The following SETD9 variants were observed in gnomAD, a reference collection of about 807,000 sequenced individuals.
SETD9 encodes the protein SET domain containing 9.
SETD9 carries 37 observed loss-of-function variants against 36.4 expected under a neutral mutation model. The observed-to-expected ratio is 1.02, with a 90% CI of 0.78 to 1.34. The LOEUF is 1.34. SETD9 is among the 40% of genes most tolerant of loss of function. The pLI is 0.00. For missense variants in SETD9, 323 were observed against 353.2 expected (o/e 0.91, Z 0.69); for synonymous variants, 128 against 132.9 (o/e 0.96, Z 0.26).
intron 3 of SETD9, 90 bp downstream of exon 3, chr5:56,913,224 AT>A (rs1554038834): frequency 7.7e-7 from 1 of 1,297,118 alleles, no homozygotes; most frequent in Non-Finnish European, 1.0e-6. Flanking sequence ...TACTTTATTT[AT>A]TTTTTATATA....
In SETD9 at chr5:56,916,922, T is replaced by C. The variant is rs1352978551; in HGVS notation, c.*20T>C. The C allele has an allele frequency of 5.0e-6, 8 of 1,588,122 alleles. No homozygotes were observed. The highest frequency in any genetic ancestry group is 6.8e-6 in the Non-Finnish European group (8 of 1,171,540). On this transcript the variant is annotated 3_prime_UTR_variant, in exon 6 of 6. Coordinates refer to ENST00000285947, the MANE Select transcript of SETD9 (RefSeq NM_153706.4). ...AGCTAACTCTGTGAATCAGAAATTA[T>C]TAGGTTTTCTACTCAGCTATTAATT...
intron 2 of SETD9, 90 bp from the exon 3 acceptor site, chr5:56,912,921 A>C: frequency 7.4e-7 from 1 of 1,359,368 alleles, no homozygotes; most frequent in South Asian, 1.3e-5. Context: ...AACTAAAGAG[A>C]ATGTGATTAT....
At chr5:56,913,678 C>T (rs1295273442) in intron 3 of SETD9, among the ~76,000 whole-genome samples, 196 bp from the exon 4 acceptor site, 1 of 152,092 alleles carries the variant, frequency 6.6e-6, no homozygotes, top group Non-Finnish European at 1.5e-5. Flanking sequence ...GCCACTGCGC[C>T]TGGCCAGCAT....
chr5:56,911,970 A>T (rs1318504291), intron 2 of SETD9, among the ~76,000 whole-genome samples: 2 of 152,164 alleles, frequency 1.3e-5, no homozygotes, highest in African/African-American at 4.8e-5. Flanking sequence ...TCTGGCCAAC[A>T]TAGTGAAACC....
intron 5 of SETD9, chr5:56,924,107 T>G: frequency 6.6e-7 from 1 of 1,512,764 alleles, no homozygotes; most frequent in South Asian, 1.2e-5. Flanking sequence ...CAACTTTTCT[T>G]TTCCACAACA....
exon 6 of SETD9, chr5:56,925,463 C>T: frequency 3.1e-6 from 1 of 319,236 alleles, no homozygotes; most frequent in South Asian, 2.6e-5. Context: ...TATATAACAG[C>T]AATGACGATT....
chr5:56,919,737 T>A (rs1394670288), downstream of SETD9: 1 of 152,654 alleles, frequency 6.6e-6, no homozygotes, highest in Admixed American at 6.5e-5. Context: ...CTCTTGAACA[T>A]CTGATACTGA....
intron 5 of SETD9, chr5:56,922,556 C>T (rs1267960275): frequency 1.3e-5 from 2 of 153,254 alleles, no homozygotes; most frequent in African/African-American, 4.8e-5. Context: ...GAGAAGTTTC[C>T]ATTTTTAAAA....
chr5:56,926,931 CA>C (rs1014295300), downstream of SETD9, among the ~76,000 whole-genome samples: 13 of 151,918 alleles, frequency 8.6e-5, no homozygotes, highest in African/African-American at 3.1e-4. Context: ...CACAAACAAA[CA>C]AAAAACCCCA....
At chr5:56,912,717 A>ATG (rs999386037) in intron 2 of SETD9, among the ~76,000 whole-genome samples, 3 of 152,046 alleles carry the variant, frequency 2.0e-5, no homozygotes, top group Non-Finnish European at 4.4e-5. Context: ...TTAAATATAT[A>ATG]TGTGTGTGTG....
chr5:56,925,999 A>G (rs1352843635), downstream of SETD9, among the ~76,000 whole-genome samples: 1 of 152,130 alleles, frequency 6.6e-6, no homozygotes, highest in East Asian at 1.9e-4. Flanking sequence ...ATGGAGGAAG[A>G]ATGTCTTTTC....
intron 5 of SETD9, 47 bp from the exon 6 acceptor site, chr5:56,916,768 C>T (rs832536): frequency 0.59 from 936,849 of 1,580,050 alleles, 291,660 homozygotes; most frequent in Non-Finnish European, 0.65. Flanking sequence ...AAAATATGAG[C>T]TTATATTTGT....
chr5:56,910,912 A>C (rs914802286), intron 1 of SETD9: 4 of 254,552 alleles, frequency 1.6e-5, no homozygotes, highest in Non-Finnish European at 3.0e-5. Flanking sequence ...TGTCTGCAAA[A>C]ATGGAATAAT....
downstream of SETD9, chr5:56,922,112 T>TC (rs1305197467): frequency 2.0e-5 from 3 of 152,642 alleles, no homozygotes; most frequent in African/African-American, 7.2e-5. Flanking sequence ...AGGTATAAAA[T>TC]CTAGAAGTCC....
chr5:56,923,308 G>A (rs1561228768), intron 5 of SETD9: 2 of 1,614,064 alleles, frequency 1.2e-6, no homozygotes, highest in African/African-American at 1.3e-5. Context: ...CATTCATAAA[G>A]GATTCAGGGA....
downstream of SETD9, among the ~76,000 whole-genome samples, chr5:56,926,535 G>C (rs1749991099): frequency 6.6e-6 from 1 of 151,960 alleles, no homozygotes; most frequent in South Asian, 2.1e-4. Context: ...AAACAAAAAA[G>C]AGATGGCATT....
downstream of SETD9, chr5:56,922,290 C>T (rs566537453): frequency 2.7e-4 from 41 of 152,544 alleles, no homozygotes; most frequent in African/African-American, 9.6e-4. Flanking sequence ...TTTAAGATTA[C>T]AATCTTGACA....
intron 2 of SETD9, 68 bp from the exon 3 acceptor site, chr5:56,912,942 AG>A: frequency 6.8e-7 from 1 of 1,477,058 alleles, no homozygotes; most frequent in African/African-American, 1.4e-5. Flanking sequence ...ATTCCAAAGA[AG>A]GGTTCTTATC....
intron 5 of SETD9, chr5:56,923,343 T>C: frequency 1.2e-6 from 2 of 1,614,230 alleles, no homozygotes; most frequent in Non-Finnish European, 1.7e-6. Flanking sequence ...TTCAATCTTT[T>C]TGCTGGTCTC....
Sources: gnomAD v4.1 joint callset for allele counts (sites outside exome capture counted in the v4.1 genomes callset) on GRCh38, gnomAD v4.1.1 for gene constraint, MANE v1.5 for transcripts, NCBI Gene and HGNC (gene_info 2026-07-23, HGNC 2026-07-21) for gene names.